Variants in CNTNAP2 observed in about 807,000 individuals in gnomAD.
The protein encoded by CNTNAP2 is contactin-associated protein-like 2.
CNTNAP2 carries 98 observed loss-of-function variants against 155.2 expected under a neutral mutation model. The ratio of observed to expected loss-of-function variants is 0.63; its 90% confidence interval spans 0.54 to 0.75. The LOEUF is 0.75. Ranked by LOEUF, CNTNAP2 falls within the 30% of genes least tolerant of loss-of-function variation. The pLI is 0.00. For missense variants in CNTNAP2, 1,727 were observed against 1,688.1 expected, an observed-to-expected ratio of 1.02 and a Z score of -0.40; for synonymous variants, 651 against 631.2, an observed-to-expected ratio of 1.03 and a Z score of -0.47.
chr7:146,407,427 C>T (rs369091012), intron 1 of CNTNAP2, among the ~76,000 whole-genome samples: 2 of 152,156 alleles, frequency 1.3e-5, no homozygotes, highest in South Asian at 4.1e-4. Context: ...ATTTTACCAA[C>T]TCAAAATATA....
At position 147,142,022 on chromosome 7, in the gene CNTNAP2, G is replaced by C. The variant is rs578135377; in HGVS notation, c.1348+9513G>C. ...TACACAATCATGTCATCTGCGAACA[G>C]TGACAATTTGACTTCCTCTTTTCCT... is the stretch of plus-strand genomic sequence containing the variant. On this transcript the variant is annotated intron_variant, in intron 8 of 23. Transcript: ENST00000361727. 4.6e-5 allele frequency among the ~76,000 whole-genome samples: 7 copies of C among 152,280 alleles called. No homozygotes were observed. In the East Asian group the frequency reaches 1.2e-3, roughly 25 times the overall value.
chr7:147,310,081 A>G (rs1795095292), intron 9 of CNTNAP2, among the ~76,000 whole-genome samples: 1 of 152,170 alleles, frequency 6.6e-6, no homozygotes. Flanking sequence ...TGGAGATTGG[A>G]AAGTATTTAT....
chr7:146,315,225 C>T (rs1478685394), intron 1 of CNTNAP2, among the ~76,000 whole-genome samples: 1 of 152,170 alleles, frequency 6.6e-6, no homozygotes, highest in Admixed American at 6.5e-5. Flanking sequence ...AGAGTGCCCT[C>T]AGAGGCAGTT....
intron 8 of CNTNAP2, among the ~76,000 whole-genome samples, chr7:147,241,342 T>C (rs929995211): frequency 6.6e-6 from 1 of 152,096 alleles, no homozygotes; most frequent in Non-Finnish European, 1.5e-5. Context: ...AAATCATTTT[T>C]CTCTGCCGGG....
intron 11 of CNTNAP2, among the ~76,000 whole-genome samples, chr7:147,506,325 G>A (rs1176596050): frequency 1.3e-5 from 2 of 152,090 alleles, no homozygotes; most frequent in Non-Finnish European, 2.9e-5. Context: ...GCGCGATCTC[G>A]GCTCACTGCA....
chr7:146,989,783 C>T (rs1422584287), intron 3 of CNTNAP2, among the ~76,000 whole-genome samples: 2 of 152,018 alleles, frequency 1.3e-5, no homozygotes, highest in South Asian at 2.1e-4. Flanking sequence ...TTTAGTAACT[C>T]GTTGGCTCTC....
intron 15 of CNTNAP2, among the ~76,000 whole-genome samples, chr7:148,004,111 A>G (rs1283240063): frequency 6.6e-6 from 1 of 152,216 alleles, no homozygotes; most frequent in African/African-American, 2.4e-5. Context: ...TAGCTAATAA[A>G]TCAATTTTTC....
At position 147,465,490 on chromosome 7, in the gene CNTNAP2, C is replaced by T. The variant is rs371350991; in HGVS notation, c.1671-20445C>T. Among the ~76,000 whole-genome samples the T allele has an allele frequency of 2.0e-4, 31 of 151,900 alleles. 1 individual carries two copies. In the South Asian group the frequency reaches 2.3e-3, roughly 11 times the overall value. On this transcript the variant is annotated intron_variant, in intron 10 of 23. Coordinates refer to ENST00000361727, the MANE Select transcript of CNTNAP2 (RefSeq NM_014141.6). ...ACATAGAAACATTTTTTATATTATG[C>T]GCATAAATTGTGTTCTCATAGGGAG...
At chr7:148,115,643 C>G (rs1804451140) in intron 15 of CNTNAP2, among the ~76,000 whole-genome samples, 1 of 152,150 alleles carries the variant, frequency 6.6e-6, no homozygotes, top group African/African-American at 2.4e-5. Context: ...ACCTGAACGC[C>G]TCTTGCTGTG....
chr7:148,149,892 C>T (rs781032421), intron 17 of CNTNAP2, among the ~76,000 whole-genome samples: 3 of 151,884 alleles, frequency 2.0e-5, no homozygotes, highest in East Asian at 1.9e-4. Context: ...CATTGATGAC[C>T]GCAGAAACAG....
intron 1 of CNTNAP2, among the ~76,000 whole-genome samples, chr7:146,677,071 A>G (rs1018164847): frequency 6.6e-6 from 1 of 152,176 alleles, no homozygotes; most frequent in East Asian, 1.9e-4. Flanking sequence ...TTGGGCTACA[A>G]CTTGGTTTTA....
chr7:147,598,133 C>T (rs1360816420), intron 12 of CNTNAP2, among the ~76,000 whole-genome samples: 2 of 150,186 alleles, frequency 1.3e-5, no homozygotes, highest in African/African-American at 4.9e-5. Context: ...CCTCTGAGTT[C>T]GGCATTGCCT....
chr7:146,840,031 C>T (rs952863563), intron 3 of CNTNAP2, 127 bp downstream of exon 3: 4 of 1,149,804 alleles, frequency 3.5e-6, no homozygotes, highest in Non-Finnish European at 5.0e-6. Flanking sequence ...ACTATTTATT[C>T]ATCATTGTTG....
chr7:147,837,100 G>A (rs548111084), intron 13 of CNTNAP2, among the ~76,000 whole-genome samples: 1 of 152,176 alleles, frequency 6.6e-6, no homozygotes, highest in South Asian at 2.1e-4. Flanking sequence ...AAGCATGTTG[G>A]GTACCGTATT....
At chr7:148,044,198 A>T (rs1261438853) in intron 15 of CNTNAP2, among the ~76,000 whole-genome samples, 1 of 134,694 alleles carries the variant, frequency 7.4e-6, no homozygotes, top group Non-Finnish European at 1.6e-5. Flanking sequence ...ATGTTACCTT[A>T]GGTTGTATTT....
chr7:146,750,220 C>T (rs1371775300), intron 1 of CNTNAP2, among the ~76,000 whole-genome samples: 3 of 152,120 alleles, frequency 2.0e-5, no homozygotes, highest in Non-Finnish European at 2.9e-5. Flanking sequence ...CTTGATCATA[C>T]AGATTCCATT....
intron 9 of CNTNAP2, among the ~76,000 whole-genome samples, chr7:147,301,202 G>A (rs944365502): frequency 4.6e-5 from 7 of 152,216 alleles, no homozygotes; most frequent in African/African-American, 1.7e-4. Flanking sequence ...CTTAAGTAAC[G>A]AAAAGATTAG....
chr7:147,614,440 A>G (rs1274781566), intron 12 of CNTNAP2, among the ~76,000 whole-genome samples: 1 of 152,038 alleles, frequency 6.6e-6, no homozygotes, highest in Non-Finnish European at 1.5e-5. Context: ...ATTACATCAT[A>G]AATTCTATTT....
At chr7:146,971,880 T>C (rs961154807) in intron 3 of CNTNAP2, among the ~76,000 whole-genome samples, 1 of 152,186 alleles carries the variant, frequency 6.6e-6, no homozygotes, top group African/African-American at 2.4e-5. Flanking sequence ...AAAGAGTATA[T>C]TTATTGCTTA....
Sources: allele counts gnomAD v4.1 joint callset (sites outside exome capture counted in the v4.1 genomes callset), GRCh38; gene constraint gnomAD v4.1.1; transcripts MANE v1.5; gene names NCBI Gene and HGNC (gene_info 2026-07-23, HGNC 2026-07-21).